NFAT5: variants seen among roughly 807,000 people sequenced by gnomAD.
The protein encoded by NFAT5 is nuclear factor of activated T-cells 5.
In NFAT5, 31 loss-of-function variants were observed where a neutral mutation model predicts 166.5. The observed-to-expected ratio is 0.19, with a 90% CI of 0.14 to 0.25. The LOEUF is 0.25. NFAT5 is among the 10% of genes least tolerant of loss of function. The pLI is 1.00. For missense variants in NFAT5, 1,449 were observed against 1,821.8 expected (o/e 0.80, Z 3.72); for synonymous variants, 612 against 639.7 (o/e 0.96, Z 0.65).
intron 11 of NFAT5, among the ~76,000 whole-genome samples, chr16:69,688,202 C>CAAAAAAAAAAAAAAAAAAAAAAAAAAAAA (rs1188158260): frequency 4.0e-5 from 2 of 49,510 alleles, no homozygotes; most frequent in Admixed American, 2.2e-4. Flanking sequence ...GACTCCGTCT[C>CAAAAAAAAAAAAAAAAAAAAAAAAAAAAA]AAAAAAAAAA....
chr16:69,651,477 T>C (rs929917909), intron 4 of NFAT5, among the ~76,000 whole-genome samples: 6 of 152,130 alleles, frequency 3.9e-5, no homozygotes, highest in African/African-American at 1.4e-4. Flanking sequence ...GGGGTAAACA[T>C]TAGAGCCAGG....
intron 3 of NFAT5, among the ~76,000 whole-genome samples, chr16:69,633,676 G>A (rs2034819007): frequency 6.6e-6 from 1 of 152,162 alleles, no homozygotes; most frequent in Admixed American, 6.6e-5. Flanking sequence ...AATAGAGGCT[G>A]GGAAGGGTAG....
At chr16:69,640,953 C>CG (rs1253523003) in intron 3 of NFAT5, among the ~76,000 whole-genome samples, 3 of 148,742 alleles carry the variant, frequency 2.0e-5, no homozygotes, top group Non-Finnish European at 4.5e-5. Context: ...TGTACTCCAG[C>CG]GGGGGCAACA....
chr16:69,603,976 A>G (rs1274774051), intron 2 of NFAT5, among the ~76,000 whole-genome samples: 1 of 152,332 alleles, frequency 6.6e-6, no homozygotes, highest in South Asian at 2.1e-4. Flanking sequence ...TAATTATATA[A>G]TTAATTTTAG....
intron 2 of NFAT5, among the ~76,000 whole-genome samples, chr16:69,570,632 T>A (rs1489436648): frequency 6.6e-6 from 1 of 152,114 alleles, no homozygotes; most frequent in Non-Finnish European, 1.5e-5. Flanking sequence ...GTTTATAAAC[T>A]ATTTCTTGGA....
chr16:69,594,790 G>T (rs1215663946), intron 2 of NFAT5, among the ~76,000 whole-genome samples: 1 of 152,148 alleles, frequency 6.6e-6, no homozygotes, highest in East Asian at 1.9e-4. Context: ...CTACAGGGGA[G>T]CTTATTAAGG....
intron 10 of NFAT5, among the ~76,000 whole-genome samples, chr16:69,683,564 A>G (rs1156672187): frequency 6.6e-6 from 1 of 152,214 alleles, no homozygotes; most frequent in Non-Finnish European, 1.5e-5. Context: ...ATATTCAAAT[A>G]AAATATATAA....
intron 10 of NFAT5, among the ~76,000 whole-genome samples, chr16:69,683,968 G>A (rs895928844): frequency 5.3e-5 from 8 of 152,034 alleles, no homozygotes; most frequent in African/African-American, 1.9e-4. Context: ...GTATGATGGT[G>A]TGCGCCTGTA....
At position 69,693,605 on chromosome 16, in the gene NFAT5, G is replaced by C. The variant is rs765593778; in HGVS notation, c.3780G>C (p.Gln1260His). 2 of 1,614,134 alleles carry C rather than the reference G, an allele frequency of 1.2e-6. No homozygotes were observed. The highest frequency in any genetic ancestry group is 1.7e-5 in the Admixed American group (1 of 60,002). ...CACAGCACTCAATAGTTGCCATGCA[G>C]AGTAACTCTCCATCCCAGGAACAGC... ...FQSQHSIVAM[Q>H]SNSPSQEQQQ... Residue 1260 changes from glutamine to histidine, a missense_variant, in exon 13 of 15, where the codon CAG (glutamine) becomes CAC (histidine). Coordinates refer to ENST00000349945, the MANE Select transcript of NFAT5 (RefSeq NM_138713.4).
intron 10 of NFAT5, among the ~76,000 whole-genome samples, chr16:69,684,389 T>C (rs1391014175): frequency 2.0e-5 from 3 of 150,774 alleles, no homozygotes; most frequent in African/African-American, 7.3e-5. Context: ...TGAAACCTTG[T>C]CTCTACTAAA....
At chr16:69,634,001 G>A (rs1054682395) in intron 3 of NFAT5, among the ~76,000 whole-genome samples, 4 of 151,736 alleles carry the variant, frequency 2.6e-5, no homozygotes, top group African/African-American at 7.3e-5. Flanking sequence ...ACATGGGCCA[G>A]GCATAGTGGC....
Position 69,603,299 on chromosome 16 carries a change from C to G in NFAT5, c.128-23104C>G, listed in dbSNP as rs549147380. Among the ~76,000 whole-genome samples the G allele has an allele frequency of 5.9e-5, 9 of 152,176 alleles. No individual in the cohort carries two copies. The South Asian group carries it at 1.9e-3, about 32-fold the overall frequency. ...TATCACTTTTATAACCTAAAGTGTGCAAATATTAAAATAGGAATCTTCATG... is the reference window on the plus strand; with the variant it reads ...TATCACTTTTATAACCTAAAGTGTGGAAATATTAAAATAGGAATCTTCATG... On this transcript the variant is annotated intron_variant, in intron 2 of 14. Transcript: ENST00000349945.
chr16:69,693,914 A>G lies in NFAT5; in HGVS notation c.4089A>G (p.Glu1363=), dbSNP rs754921543. Residue 1363 remains glutamate (E), a synonymous_variant, in exon 13 of 15, where the codon GAA becomes GAG. Coordinates refer to ENST00000349945, the MANE Select transcript of NFAT5 (RefSeq NM_138713.4). ...AGAACCCAGGTCCTACCCAGTCGGA[A>G]TCATCACAGACCCCCTTGTTCCATA... is the stretch of plus-strand genomic sequence containing the variant. ...SLQNPGPTQS[E]SSQTPLFHSS... 25 of 1,614,116 alleles carry G rather than the reference A, an allele frequency of 1.5e-5. No homozygotes were observed. In the Admixed American group the frequency reaches 3.5e-4, roughly 23 times the overall value.
chr16:69,637,666 A>G (rs1159619901), intron 3 of NFAT5, among the ~76,000 whole-genome samples: 4 of 152,230 alleles, frequency 2.6e-5, no homozygotes, highest in African/African-American at 9.6e-5. Context: ...ACCAGCCGCC[A>G]TGACTCAAAT....
intron 2 of NFAT5, among the ~76,000 whole-genome samples, chr16:69,606,907 A>C (rs937986160): frequency 2.0e-5 from 3 of 152,174 alleles, no homozygotes; most frequent in African/African-American, 7.2e-5. Flanking sequence ...AATCAGAGTC[A>C]CCTTGAAATG....
chr16:69,661,034 T>G (rs1487294001), intron 7 of NFAT5, among the ~76,000 whole-genome samples: 1 of 150,856 alleles, frequency 6.6e-6, no homozygotes, highest in African/African-American at 2.4e-5. Context: ...GGTCTTGAAC[T>G]CCTGACCTCA....
intron 2 of NFAT5, among the ~76,000 whole-genome samples, chr16:69,593,916 C>T (rs995233458): frequency 3.3e-5 from 5 of 152,130 alleles, no homozygotes; most frequent in South Asian, 4.1e-4. Context: ...TGAATTTACT[C>T]CAGGCTCCCT....
chr16:69,695,243 C>T lies in NFAT5; in HGVS notation c.4522C>T (p.Leu1508Phe), dbSNP rs376433264. The change falls in exon 14 of 15, where the codon CTT (leucine) becomes TTT (phenylalanine). Residue 1508 changes from leucine to phenylalanine, a missense_variant. Leu to Phe is a conservative substitution (Grantham distance 22, BLOSUM62 0). Coordinates refer to ENST00000349945, the MANE Select transcript of NFAT5 (RefSeq NM_138713.4). Reference sequence around the variant, plus strand: ...CGAGGGCCAGCCACCTGTGACAACACTTCTTTCTCAGCAAATGCCAGAGAA... The same window carrying T: ...CGAGGGCCAGCCACCTGTGACAACATTTCTTTCTCAGCAAATGCCAGAGAA... ...QNEGQPPVTTLLSQQMPENSP... is the reference protein window; with the variant it reads ...QNEGQPPVTTFLSQQMPENSP... The T allele has an allele frequency of 3.3e-5, 53 of 1,614,074 alleles. 1 individual carries two copies. The East Asian group carries it at 3.6e-4, about 11-fold the overall frequency.
chr16:69,642,810 GTGTCTC>G (rs1465462056), intron 3 of NFAT5, among the ~76,000 whole-genome samples: 24 of 149,476 alleles, frequency 1.6e-4, no homozygotes, highest in African/African-American at 5.7e-4. Context: ...GAGCAAGACT[GTGTCTC>G]AAAAAAAAGA....
Sources: gnomAD v4.1 joint callset for allele counts (sites outside exome capture counted in the v4.1 genomes callset) on GRCh38, gnomAD v4.1.1 for gene constraint, MANE v1.5 for transcripts, NCBI Gene and HGNC (gene_info 2026-07-23, HGNC 2026-07-21) for gene names.